LYNX1: variants seen among roughly 807,000 people sequenced by gnomAD.
LYNX1 encodes the protein Ly6/neurotoxin 1, also known as ly-6/neurotoxin-like protein 1.
In LYNX1, 8 loss-of-function variants were observed where a neutral mutation model predicts 8.3. The ratio of observed to expected loss-of-function variants is 0.97; its 90% CI spans 0.57 to 1.74. The LOEUF is 1.74. Among genes scored for constraint, LYNX1 ranks in the 40% most tolerant of loss-of-function variants. The pLI is 0.00. For missense variants in LYNX1, 158 were observed against 159.7 expected (o/e 0.99, Z 0.06); for synonymous variants, 73 against 67.9 (o/e 1.08, Z -0.37).
Position 142,772,653 on chromosome 8 carries a change from G to C in LYNX1, c.*2514C>G. 5.1e-6 allele frequency: 5 copies of C among 985,570 alleles called. No homozygotes were observed. The highest frequency in any genetic ancestry group is 6.0e-6 in the Non-Finnish European group (5 of 830,020). 61.1% of individuals were successfully genotyped at this position (985,570 alleles called of 1,614,324 possible). Reference sequence around the variant, plus strand: ...CAGTGCTCAGGGCCACAGTGCAGTGGGGGGACCCACGTCCATCGCCACCTT... The same window carrying C: ...CAGTGCTCAGGGCCACAGTGCAGTGCGGGGACCCACGTCCATCGCCACCTT... On this transcript the variant is annotated 3_prime_UTR_variant, in exon 4 of 4. Transcript: ENST00000652477.
chr8:142,773,008 T>C lies in LYNX1; in HGVS notation c.*2159A>G. Reference sequence around the variant, plus strand: ...TGCCCCTGAGCCATGGGTGGCCAGGTCTCCTCCCCATCACCCCACTGAGAC... The same window carrying C: ...TGCCCCTGAGCCATGGGTGGCCAGGCCTCCTCCCCATCACCCCACTGAGAC... On this transcript the variant is annotated 3_prime_UTR_variant, in exon 4 of 4. Coordinates refer to ENST00000652477, the MANE Select transcript of LYNX1 (RefSeq NM_177477.4). 1.0e-6 allele frequency: 1 copy of C among 985,414 alleles called. No individual in the cohort carries two copies. The highest frequency in any genetic ancestry group is 1.2e-6 in the Non-Finnish European group (1 of 830,002). The allele number at this position is 985,414 out of a possible 1,614,324, so 61.0% of individuals were successfully genotyped here. A position where few individuals can be genotyped will look rare whatever the true frequency, so the allele number is the denominator to read the frequency against.
rs2130093167 is a variant in LYNX1 at position 142,771,726 on chromosome 8, G to GTTTCAGAT, written c.*3440_*3441insATCTGAAA. 1 of 985,698 alleles carries GTTTCAGAT rather than the reference G, an allele frequency of 1.0e-6. No homozygotes were observed. The highest frequency in any genetic ancestry group is 1.1e-4 in the East Asian group (1 of 8,776). The allele number at this position is 985,698 out of a possible 1,614,324, so 61.1% of individuals were successfully genotyped here. On this transcript the variant is annotated 3_prime_UTR_variant, in exon 4 of 4. Coordinates refer to ENST00000652477, the MANE Select transcript of LYNX1 (RefSeq NM_177477.4). ...TTTTGACCTTTTTCAGAGTTTCAGAGTTATGAACCAAATCGCCTTCATGAG... is the reference window on the plus strand; with the variant it reads ...TTTTGACCTTTTTCAGAGTTTCAGAGTTTCAGATTTATGAACCAAATCGCCTTCATGAG...
chr8:142,773,761 G>A lies in LYNX1; in HGVS notation c.*1406C>T, dbSNP rs1205087293. 2.0e-6 allele frequency: 2 copies of A among 985,252 alleles called. No homozygotes were observed. Among genetic ancestry groups the A allele is most frequent in the African/African-American group, 3.5e-5 (2 of 57,208 alleles). 61.0% of individuals were successfully genotyped at this position (985,252 alleles called of 1,614,324 possible). A position where few individuals can be genotyped will look rare whatever the true frequency, so the allele number is the denominator to read the frequency against. ...TCCCCTGACCAGGGCCATACTTTGG[G>A]GCCGGGACAATCCTACCACATGGAT... On this transcript the variant is annotated 3_prime_UTR_variant, in exon 4 of 4. Transcript: ENST00000652477.
rs587647596 is a variant in LYNX1 at position 142,773,428 on chromosome 8, T to C, written c.*1739A>G. On this transcript the variant is annotated 3_prime_UTR_variant, in exon 4 of 4. Coordinates refer to ENST00000652477, the MANE Select transcript of LYNX1 (RefSeq NM_177477.4). The stretch of plus-strand genomic sequence containing the variant: ...CTTCCCAGCTCTGGGCCCAGTATGA[T>C]GCCCATCTTCCCTCTGGGGAGTCAC... 9.1e-6 allele frequency: 9 copies of C among 985,592 alleles called. No homozygotes were observed. The African/African-American group carries it at 1.6e-4, about 17-fold the overall frequency. 61.1% of individuals were successfully genotyped at this position (985,592 alleles called of 1,614,324 possible).
upstream of LYNX1, chr8:142,777,705 A>G (rs1489378191): frequency 1.3e-5 from 5 of 397,282 alleles, no homozygotes; most frequent in Non-Finnish European, 1.8e-5. Flanking sequence ...AGGCATCTGG[A>G]TCTCCGACAC....
chr8:142,773,311 C>A lies in LYNX1; in HGVS notation c.*1856G>T, dbSNP rs1815259006. ...CTGGCAGCCTCCCAGACACCCCGGG[C>A]CGGTCCTGCTCTCCAGGCTTAGGGC... On this transcript the variant is annotated 3_prime_UTR_variant, in exon 4 of 4. Transcript: ENST00000652477. 1.0e-6 allele frequency: 1 copy of A among 985,420 alleles called. No individual in the cohort carries two copies. The highest frequency in any genetic ancestry group is 4.7e-5 in the South Asian group (1 of 21,288). The allele number at this position is 985,420 out of a possible 1,614,324, so 61.0% of individuals were successfully genotyped here.
Position 142,774,149 on chromosome 8 carries a change from T to TTCCCCCCCCCCCC in LYNX1, c.*1017_*1018insGGGGGGGGGGGGA. ...CGGGGGAGGGGCTGGGTCTCCGCCC[T>TTCCCCCCCCCCCC]CCCCACCCCACCCTCCCCACTCCCG... On this transcript the variant is annotated 3_prime_UTR_variant, in exon 4 of 4. Transcript: ENST00000652477. The TTCCCCCCCCCCCC allele has an allele frequency of 2.8e-6, 2 of 725,210 alleles. No individual in the cohort carries two copies. Among genetic ancestry groups the TTCCCCCCCCCCCC allele is most frequent in the South Asian group, 6.5e-5 (1 of 15,338 alleles). The allele number at this position is 725,210 out of a possible 1,614,324, so 44.9% of individuals were successfully genotyped here. A position where few individuals can be genotyped will look rare whatever the true frequency, so the allele number is the denominator to read the frequency against.
chr8:142,777,490 T>G (rs1188388246), upstream of LYNX1, among the ~76,000 whole-genome samples: 4 of 63,444 alleles, frequency 6.3e-5, no homozygotes, highest in African/African-American at 2.9e-4. Flanking sequence ...CGGACCCGCC[T>G]CCTGGGCACC....
Position 142,775,988 on chromosome 8 carries a change from G to T in LYNX1, c.-31C>A, listed in dbSNP as rs201889136. 1.9e-6 allele frequency: 3 copies of T among 1,612,864 alleles called. No homozygotes were observed. Among genetic ancestry groups the T allele is most frequent in the South Asian group, 2.2e-5 (2 of 90,930 alleles). On this transcript the variant is annotated 5_prime_UTR_variant, in exon 2 of 4. Transcript: ENST00000652477. Reference sequence around the variant, plus strand: ...CAGGCAGGAGGGCAGCGTGGGAGTGGGGAGGTCAACAGCAGCTAGCCCTGG... The same window carrying T: ...CAGGCAGGAGGGCAGCGTGGGAGTGTGGAGGTCAACAGCAGCTAGCCCTGG...
intron 2 of LYNX1, 58 bp downstream of exon 2, chr8:142,775,848 T>C (rs1335496307): frequency 6.2e-7 from 1 of 1,606,268 alleles, no homozygotes; most frequent in Non-Finnish European, 8.5e-7. Context: ...TTCCCTACTG[T>C]CAGCCCATCT....
At chr8:142,775,415 CAG>C in intron 3 of LYNX1, 52 bp from the exon 4 acceptor site, 1 of 1,597,588 alleles carries the variant, frequency 6.3e-7, no homozygotes, top group South Asian at 1.1e-5. Flanking sequence ...GCAGGAGACC[CAG>C]CTGGCCCCAC....
chr8:142,775,178 C>A lies in LYNX1; in HGVS notation c.340G>T (p.Gly114Cys), dbSNP rs753398738. Residue 114 changes from glycine (G) to cysteine (C), a missense_variant, in exon 4 of 4, where the codon GGT (glycine) becomes TGT (cysteine). Gly to Cys is a radical substitution (Grantham distance 159, BLOSUM62 -3). Transcript: ENST00000652477. ...CTGCCTCGGGGGCTTTAGAGGAGAC[C>A]CCAGAGGGTGGCCAGGAGGATGGGG... ...LAPILLATLW[G>C]LL The A allele has an allele frequency of 6.2e-7, 1 of 1,611,254 alleles. No homozygotes were observed. Among genetic ancestry groups the A allele is most frequent in the Non-Finnish European group, 8.5e-7 (1 of 1,179,118 alleles).
Position 142,774,604 on chromosome 8 carries a change from G to A in LYNX1, c.*563C>T, listed in dbSNP as rs1204892012. Reference sequence around the variant, plus strand: ...CCCTGCAGGGGGTGGCTCCAACTCGGGCCTGGCAGACTTCCTAGCACAGGG... The same window carrying A: ...CCCTGCAGGGGGTGGCTCCAACTCGAGCCTGGCAGACTTCCTAGCACAGGG... On this transcript the variant is annotated 3_prime_UTR_variant, in exon 4 of 4. Transcript: ENST00000652477. The A allele has an allele frequency of 1.0e-6, 1 of 986,018 alleles. No homozygotes were observed. The highest frequency in any genetic ancestry group is 1.7e-5 in the African/African-American group (1 of 57,352). 61.1% of individuals were successfully genotyped at this position (986,018 alleles called of 1,614,324 possible).
intron 1 of LYNX1, 55 bp from the exon 2 acceptor site, chr8:142,776,176 G>A (rs1815417161): frequency 3.4e-6 from 2 of 588,620 alleles, no homozygotes; most frequent in African/African-American, 1.9e-5. Context: ...AGGACCCATG[G>A]GGGCCTGGGC....
Position 142,773,670 on chromosome 8 carries a change from C to T in LYNX1, c.*1497G>A. 2.0e-6 allele frequency: 2 copies of T among 985,388 alleles called. No homozygotes were observed. The highest frequency in any genetic ancestry group is 1.1e-4 in the East Asian group (1 of 8,800). 61.0% of individuals were successfully genotyped at this position (985,388 alleles called of 1,614,324 possible). On this transcript the variant is annotated 3_prime_UTR_variant, in exon 4 of 4. Coordinates refer to ENST00000652477, the MANE Select transcript of LYNX1 (RefSeq NM_177477.4). Reference sequence around the variant, plus strand: ...TGCAAGGAGACCCCTGGGGTGGAGACCCTCATTCCCTGATCCCCCAGGGGT... The same window carrying T: ...TGCAAGGAGACCCCTGGGGTGGAGATCCTCATTCCCTGATCCCCCAGGGGT...
At position 142,775,623 on chromosome 8, in the gene LYNX1, T is replaced by G; in HGVS notation, c.124A>C (p.Met42Leu). The G allele has an allele frequency of 1.2e-6, 2 of 1,601,108 alleles. No homozygotes were observed. Among genetic ancestry groups the G allele is most frequent in the Non-Finnish European group, 1.7e-6 (2 of 1,173,938 alleles). The change falls in exon 3 of 4, where the codon ATG becomes CTG. Residue 42 changes from methionine (M) to leucine (L), a missense_variant. Transcript: ENST00000652477. ...CGCGTGGTCATGCAGTAGGCAACCA[T>G]AGCCGGGCAGCGCATGGGGTTGAAG... is the stretch of plus-strand genomic sequence containing the variant. ...NCFNPMRCPA[M>L]VAYCMTTRTY...
Position 142,773,976 on chromosome 8 carries a change from C to T in LYNX1, c.*1191G>A, listed in dbSNP as rs111238766. On this transcript the variant is annotated 3_prime_UTR_variant, in exon 4 of 4. Coordinates refer to ENST00000652477, the MANE Select transcript of LYNX1 (RefSeq NM_177477.4). ...TACCTGCATCGGGGATGGATTGGTG[C>T]GTGTTGGGCTGACCCCTGCTTCCCA... 21 of 985,260 alleles carry T rather than the reference C, an allele frequency of 2.1e-5. No individual in the cohort carries two copies. The highest frequency in any genetic ancestry group is 1.1e-4 in the East Asian group (1 of 8,818). The allele number at this position is 985,260 out of a possible 1,614,324, so 61.0% of individuals were successfully genotyped here. A position where few individuals can be genotyped will look rare whatever the true frequency, so the allele number is the denominator to read the frequency against.
In LYNX1 at chr8:142,774,149, T is replaced by TTCCCCCC; in HGVS notation, c.*1017_*1018insGGGGGGA. On this transcript the variant is annotated 3_prime_UTR_variant, in exon 4 of 4. Coordinates refer to ENST00000652477, the MANE Select transcript of LYNX1 (RefSeq NM_177477.4). ...CGGGGGAGGGGCTGGGTCTCCGCCC[T>TTCCCCCC]CCCCACCCCACCCTCCCCACTCCCG... 1 of 725,210 alleles carries TTCCCCCC rather than the reference T, an allele frequency of 1.4e-6. No individual in the cohort carries two copies. The highest frequency in any genetic ancestry group is 1.6e-6 in the Non-Finnish European group (1 of 608,414). The allele number at this position is 725,210 out of a possible 1,614,324, so 44.9% of individuals were successfully genotyped here.
At chr8:142,777,672 C>T, upstream of LYNX1, 1 of 396,668 alleles carries the variant, frequency 2.5e-6, no homozygotes, top group South Asian at 1.4e-4. Context: ...GCCGGGCAAG[C>T]GCTGGGACCC....
Sources: allele counts gnomAD v4.1 joint callset (sites outside exome capture counted in the v4.1 genomes callset), GRCh38; gene constraint gnomAD v4.1.1; transcripts MANE v1.5; gene names NCBI Gene and HGNC (gene_info 2026-07-23, HGNC 2026-07-21).